Variants in NALCN observed in about 807,000 individuals in gnomAD.
NALCN encodes sodium leak channel, non-selective, also known as sodium leak channel NALCN.
NALCN carries 111 observed loss-of-function variants against 225.3 expected under a neutral mutation model. That is an observed-to-expected ratio of 0.49 (90% CI 0.42 to 0.58). The LOEUF is 0.58. Ranked by LOEUF, NALCN falls within the 20% of genes least tolerant of loss-of-function variation. The probability of loss-of-function intolerance (pLI) is 0.00; values close to 1 mark genes in which losing one functional copy is unlikely to be tolerated. For synonymous variants in NALCN, 764 were observed against 769.0 expected, an observed-to-expected ratio of 0.99 and a Z score of 0.11; for missense variants, 1,378 against 2,202.4, an observed-to-expected ratio of 0.63 and a Z score of 7.49.
intron 28 of NALCN, among the ~76,000 whole-genome samples, chr13:101,090,202 G>A (rs535847868): frequency 1.3e-5 from 2 of 152,210 alleles, no homozygotes; most frequent in Admixed American, 1.3e-4. Flanking sequence ...ATGCATCAAT[G>A]TGTTATAATT....
At chr13:101,247,105 T>C (rs2041919451) in intron 11 of NALCN, among the ~76,000 whole-genome samples, 2 of 152,140 alleles carry the variant, frequency 1.3e-5, no homozygotes, top group Non-Finnish European at 1.5e-5. Flanking sequence ...TCCTATAGGG[T>C]GAGGAGACTA....
chr13:101,383,943 A>C (rs767359459), intron 3 of NALCN, among the ~76,000 whole-genome samples: 2 of 152,228 alleles, frequency 1.3e-5, no homozygotes, highest in Non-Finnish European at 2.9e-5. Flanking sequence ...GCTAAGGCAC[A>C]ATAAGTTTAT....
At position 101,104,620 on chromosome 13, in the gene NALCN, G is replaced by C; in HGVS notation, c.2667C>G (p.Asp889Glu). 3 of 1,613,936 alleles carry C rather than the reference G, an allele frequency of 1.9e-6. No individual in the cohort carries two copies. Among genetic ancestry groups the C allele is most frequent in the Non-Finnish European group, 2.5e-6 (3 of 1,179,888 alleles). Residue 889 changes from aspartate (D) to glutamate (E), a missense_variant, in exon 24 of 44, where the codon GAC (aspartate) becomes GAG (glutamate). By Grantham distance (45) the Asp-to-Glu change is conservative (BLOSUM62 2). Around this residue, in one of 19 missense-constraint regions of NALCN, gnomAD observed 292 missense variants for 409.5 expected, o/e 0.71. Transcript: ENST00000251127. This position sits in a 1 kb window ranked among gnomAD's most constrained non-coding sequence, Gnocchi z 4.2. ...YDLLGLVTYL[D>E]WVMIIVTICS... The stretch of plus-strand genomic sequence containing the variant: ...AGATGGTTACGATGATCATGACCCA[G>C]TCCAGGTAAGTGACCAATCCCAGCA...
chr13:101,399,517 G>A lies in NALCN; in HGVS notation c.-39-352C>T, dbSNP rs1244958443. Among the ~76,000 whole-genome samples the A allele has an allele frequency of 2.6e-5, 4 of 152,322 alleles. No individual in the cohort carries two copies. In the East Asian group the frequency reaches 7.7e-4, roughly 29 times the overall value. On this transcript the variant is annotated intron_variant, in intron 1 of 43. Transcript: ENST00000251127. ...CCTAAAGCTGTCTCCACATAGAGGT[G>A]CTTTGTGCTAGAACACTGCTGAGTA... is the stretch of plus-strand genomic sequence containing the variant.
intron 9 of NALCN, among the ~76,000 whole-genome samples, chr13:101,285,491 A>G (rs186939654): frequency 6.6e-6 from 1 of 151,728 alleles, no homozygotes; most frequent in East Asian, 1.9e-4. Flanking sequence ...TTTTTACTAG[A>G]CAGAGGGTTT....
At chr13:101,341,242 A>C (rs2045549969) in intron 7 of NALCN, among the ~76,000 whole-genome samples, 1 of 152,200 alleles carries the variant, frequency 6.6e-6, no homozygotes, top group African/African-American at 2.4e-5. Flanking sequence ...GAATGTTTTC[A>C]AGAAGATTTC....
chr13:101,401,278 A>G (rs2139516872), intron 1 of NALCN, among the ~76,000 whole-genome samples: 1 of 152,244 alleles, frequency 6.6e-6, no homozygotes, highest in Admixed American at 6.5e-5. Context: ...ATGTATACAG[A>G]GTATTTAAAG....
At chr13:101,203,496 T>C (rs509916) in intron 13 of NALCN, among the ~76,000 whole-genome samples, 94,764 of 152,082 alleles carry the variant, frequency 0.62, 30,342 homozygotes, top group African/African-American at 0.78. Flanking sequence ...GGATTACAGG[T>C]GTGAGCCACT....
Position 101,243,762 on chromosome 13 carries a change from T to C in NALCN, c.1267-5840A>G, listed in dbSNP as rs1293815205. ...TCTCCACCTGGAGTAATTCAGTCTC[T>C]AGTGAGCTTCCCTTCCTGGCCCACT... On this transcript the variant is annotated intron_variant, in intron 11 of 43. Coordinates refer to ENST00000251127, the MANE Select transcript of NALCN (RefSeq NM_052867.4). Among the ~76,000 whole-genome samples the C allele has an allele frequency of 5.8e-5, 6 of 104,118 alleles. 2 individuals carry two copies. The South Asian group carries it at 1.0e-3, about 18-fold the overall frequency. The allele number at this position is 104,118 out of a possible 152,430, so 68.3% of individuals were successfully genotyped here. A position where few individuals can be genotyped will look rare whatever the true frequency, so the allele number is the denominator to read the frequency against.
chr13:101,121,512 A>G (rs958670873), intron 18 of NALCN, among the ~76,000 whole-genome samples: 5 of 152,148 alleles, frequency 3.3e-5, no homozygotes, highest in African/African-American at 7.2e-5. Flanking sequence ...CTCTTTTTCA[A>G]GCCTCCCTAT....
chr13:101,198,189 T>A (rs1347187318), intron 13 of NALCN, among the ~76,000 whole-genome samples: 2 of 152,124 alleles, frequency 1.3e-5, no homozygotes, highest in African/African-American at 4.8e-5. Flanking sequence ...ATGAAAACCC[T>A]AGAAGAAAAC....
At chr13:101,112,005 T>C (rs974309409) in intron 18 of NALCN, among the ~76,000 whole-genome samples, 1 of 152,186 alleles carries the variant, frequency 6.6e-6, no homozygotes, top group African/African-American at 2.4e-5. Context: ...TAAATATATG[T>C]TCCAAGGAGA....
chr13:101,370,939 G>T (rs537949486), intron 6 of NALCN, among the ~76,000 whole-genome samples: 1 of 152,000 alleles, frequency 6.6e-6, no homozygotes, highest in Non-Finnish European at 1.5e-5. Flanking sequence ...GGCAACTGCT[G>T]ATTTCTTTTC....
chr13:101,234,147 C>A (rs947555385), intron 12 of NALCN, among the ~76,000 whole-genome samples: 1 of 152,228 alleles, frequency 6.6e-6, no homozygotes, highest in Non-Finnish European at 1.5e-5. Context: ...ACCCTGCACA[C>A]TTCTTCCTTA....
intron 11 of NALCN, among the ~76,000 whole-genome samples, chr13:101,249,526 TG>T (rs1295165497): frequency 6.6e-6 from 1 of 152,172 alleles, no homozygotes; most frequent in Non-Finnish European, 1.5e-5. Flanking sequence ...CCTAATATAA[TG>T]TCAGCTTATT....
intron 17 of NALCN, among the ~76,000 whole-genome samples, chr13:101,137,090 C>T (rs1255605108): frequency 6.6e-6 from 1 of 152,084 alleles, no homozygotes; most frequent in Non-Finnish European, 1.5e-5. Flanking sequence ...TATTTCTTTC[C>T]ATTATTGTGA....
chr13:101,122,402 A>G (rs1470341772), intron 18 of NALCN, among the ~76,000 whole-genome samples: 1 of 152,178 alleles, frequency 6.6e-6, no homozygotes, highest in African/African-American at 2.4e-5. Flanking sequence ...ATTCTGTAGT[A>G]TGCTGGGCTG....
Position 101,198,536 on chromosome 13 carries a change from A to G in NALCN, c.1627-6482T>C, listed in dbSNP as rs187652824. ...ATTTATGCAGCCAACAGACACATGA[A>G]AAAATGCTCATCATCACTGGCCATC... On this transcript the variant is annotated intron_variant, in intron 13 of 43. Transcript: ENST00000251127. Among the ~76,000 whole-genome samples, 791 of 152,384 alleles carry G rather than the reference A, an allele frequency of 5.2e-3. 4 individuals are homozygous for G. Among genetic ancestry groups the G allele is most frequent in the Non-Finnish European group, 8.8e-3 (596 of 68,038 alleles).
chr13:101,143,692 G>A (rs1189667384), intron 16 of NALCN, among the ~76,000 whole-genome samples: 1 of 152,160 alleles, frequency 6.6e-6, no homozygotes, highest in African/African-American at 2.4e-5. Context: ...TCGAACTCCC[G>A]ACCTCAGGTG....
Sources: allele counts gnomAD v4.1 joint callset (sites outside exome capture counted in the v4.1 genomes callset), GRCh38; gene constraint gnomAD v4.1.1; regional missense constraint gnomAD v4.1.1; non-coding constraint Gnocchi (gnomAD v3.1); transcripts MANE v1.5; gene names NCBI Gene and HGNC (gene_info 2026-07-23, HGNC 2026-07-21).